The following STAG3 variants were observed in gnomAD, a reference collection of about 807,000 sequenced individuals.
The protein encoded by STAG3 is STAG3 cohesin complex component, also known as cohesin subunit SA-3.
A neutral mutation model predicts 160.7 loss-of-function variants in STAG3; 101 were observed. The observed-to-expected ratio is 0.63, with a 90% CI of 0.54 to 0.74. STAG3 has a LOEUF of 0.74. STAG3 is among the 30% of genes least tolerant of loss of function. STAG3 has a pLI of 0.00. For synonymous variants in STAG3, 519 were observed against 585.0 expected, an observed-to-expected ratio of 0.89 and a Z score of 1.63; for missense variants, 1,188 against 1,517.4, an observed-to-expected ratio of 0.78 and a Z score of 3.61.
Position 100,211,173 on chromosome 7 carries a change from A to G in STAG3, c.3401A>G (p.Asp1134Gly), listed in dbSNP as rs1194261409. 2.6e-6 allele frequency: 4 copies of G among 1,537,384 alleles called. No homozygotes were observed. The East Asian group carries it at 7.3e-5, about 28-fold the overall frequency. The change falls in exon 30 of 34, where the codon GAT becomes GGT. Residue 1134 changes from aspartate to glycine, a missense_variant. Physicochemically the swap from Asp to Gly is moderately conservative, Grantham distance 94. Coordinates refer to ENST00000615138, the MANE Select transcript of STAG3 (RefSeq NM_001282717.2). ...GAGGAAGAAGATGGCTCAGAGTTGG[A>G]TTTTGCCCAGGGGTGAGGCCATGGA... ...EMEEEDGSEL[D>G]FAQGSQPVAG...
rs772651360 is a variant in STAG3 at position 100,213,344 on chromosome 7, GTTCTC to G, written c.3601-384_3601-380del. 116 of 985,386 alleles carry G rather than the reference GTTCTC, an allele frequency of 1.2e-4. 1 individual carries two copies. The Admixed American group carries it at 6.6e-3, about 56-fold the overall frequency. 61.0% of individuals were successfully genotyped at this position (985,386 alleles called of 1,614,324 possible). On this transcript the variant is annotated intron_variant, in intron 32 of 33. Transcript: ENST00000615138. Reference sequence around the variant, plus strand: ...GCGTATCTTCTGCTGTTATTCTTCTGTTCTCTTCTCTGCAGGGAAGGAAAAAGAAC... The same window carrying G: ...GCGTATCTTCTGCTGTTATTCTTCTGTTCTCTGCAGGGAAGGAAAAAGAAC...
intron 30 of STAG3, 76 bp from the exon 31 acceptor site, chr7:100,211,359 C>T: frequency 5.9e-6 from 9 of 1,533,318 alleles, no homozygotes; most frequent in Non-Finnish European, 8.1e-6. Flanking sequence ...GCTTTTCTCC[C>T]CATTAACACC....
chr7:100,204,164 C>T (rs758949335), intron 26 of STAG3, 42 bp downstream of exon 26: 4 of 1,512,560 alleles, frequency 2.6e-6, no homozygotes, highest in Non-Finnish European at 2.8e-6. Flanking sequence ...CCTGTTGTCC[C>T]CAAGTCTCTG....
At chr7:100,202,898 A>G (rs1413126998) in intron 25 of STAG3, among the ~76,000 whole-genome samples, 2 of 152,222 alleles carry the variant, frequency 1.3e-5, no homozygotes, top group Non-Finnish European at 2.9e-5. Flanking sequence ...GGAAAAAAGA[A>G]TAAAAGAGGG....
At chr7:100,198,684 T>C (rs1299485773) in intron 13 of STAG3, 102 bp downstream of exon 13, 1 of 1,284,586 alleles carries the variant, frequency 7.8e-7, no homozygotes, top group Non-Finnish European at 1.1e-6. Context: ...TGTGAAAGTC[T>C]CCCTGGTGTC....
intron 30 of STAG3, 91 bp from the exon 31 acceptor site, chr7:100,211,344 T>C (rs1802184720): frequency 6.6e-7 from 1 of 1,508,882 alleles, no homozygotes; most frequent in Admixed American, 1.8e-5. Flanking sequence ...AATGCATCTC[T>C]CTGAGCTTTT....
intron 29 of STAG3, 93 bp from the exon 30 acceptor site, chr7:100,210,918 A>C: frequency 9.6e-6 from 13 of 1,353,664 alleles, no homozygotes; most frequent in Non-Finnish European, 1.2e-5. Flanking sequence ...TTCCTGATTG[A>C]CTTTCCCTTA....
rs373486884 is a variant in STAG3 at position 100,200,938 on chromosome 7, G to A, written c.2030G>A (p.Arg677His). 57 of 1,614,090 alleles carry A rather than the reference G, an allele frequency of 3.5e-5. No homozygotes were observed. Among genetic ancestry groups the A allele is most frequent in the Non-Finnish European group, 4.6e-5 (54 of 1,180,046 alleles). ...RSQLVDLLTD[R>H]FQQELEELLQ... is the part of the protein sequence containing the mutation. ...CAGCTAGTAGATTTGCTGACTGACC[G>A]CTTCCAGCAGGAGCTTGAAGAGCTG... Residue 677 changes from arginine to histidine, a missense_variant, in exon 19 of 34, where the codon CGC becomes CAC. By Grantham distance (29) the Arg-to-His change is conservative. Coordinates refer to ENST00000615138, the MANE Select transcript of STAG3 (RefSeq NM_001282717.2).
chr7:100,188,692 T>C, intron 6 of STAG3, 120 bp from the exon 7 acceptor site: 1 of 1,174,942 alleles, frequency 8.5e-7, no homozygotes, highest in Non-Finnish European at 1.3e-6. Context: ...TTGGGGAGAA[T>C]ACCAGGAAAT....
intron 5 of STAG3, among the ~76,000 whole-genome samples, chr7:100,187,413 A>G (rs534863021): frequency 4.0e-5 from 6 of 149,406 alleles, no homozygotes; most frequent in African/African-American, 1.5e-4. Flanking sequence ...TTTGAAACAA[A>G]TCCTGCCTCA....
chr7:100,182,356 C>T (rs1027111692), intron 3 of STAG3, among the ~76,000 whole-genome samples, 164 bp downstream of exon 3: 1 of 146,430 alleles, frequency 6.8e-6, no homozygotes, highest in Non-Finnish European at 1.5e-5. Flanking sequence ...GAGACTCCGT[C>T]TCAAAAAAAA....
chr7:100,189,057 T>C (rs374807631), intron 7 of STAG3, 41 bp downstream of exon 7: 11 of 1,605,174 alleles, frequency 6.9e-6, no homozygotes, highest in Admixed American at 1.7e-5. Context: ...CCTGGGGATT[T>C]ATAGGACTTT....
chr7:100,193,481 G>A (rs1462840442), intron 8 of STAG3, among the ~76,000 whole-genome samples: 1 of 152,176 alleles, frequency 6.6e-6, no homozygotes, highest in African/African-American at 2.4e-5. Context: ...AAAATTCATT[G>A]TTTAGTGTAG....
chr7:100,200,211 C>A (rs778262233), intron 16 of STAG3, 25 bp from the exon 17 acceptor site: 1 of 1,589,854 alleles, frequency 6.3e-7, no homozygotes, highest in Non-Finnish European at 8.6e-7. Context: ...ACACCTCCCC[C>A]ACCCCCAAGT....
At chr7:100,179,371 C>T (rs376311526) in intron 1 of STAG3, among the ~76,000 whole-genome samples, 6 of 149,990 alleles carry the variant, frequency 4.0e-5, no homozygotes, top group East Asian at 4.0e-4. Context: ...CACAGGTGTG[C>T]GCAACAACAC....
At chr7:100,189,336 C>G in intron 7 of STAG3, 109 bp from the exon 8 acceptor site, 6 of 1,267,902 alleles carry the variant, frequency 4.7e-6, no homozygotes, top group Non-Finnish European at 6.6e-6. Flanking sequence ...TCATCCTGCT[C>G]TGACGTCTCA....
In STAG3 at chr7:100,194,202, C is replaced by G. The variant is rs567480761; in HGVS notation, c.868-1107C>G. ...CAAGTGATTTGCCCACCTTGGCCAC[C>G]CAAAGTGCTGGGATTATAGGTGTGA... On this transcript the variant is annotated intron_variant, in intron 8 of 33. Transcript: ENST00000615138. Among the ~76,000 whole-genome samples the G allele has an allele frequency of 6.6e-4, 100 of 152,240 alleles. 3 individuals carry two copies. The highest frequency in any genetic ancestry group is 2.2e-3 in the Admixed American group (34 of 15,288).
intron 4 of STAG3, among the ~76,000 whole-genome samples, 154 bp downstream of exon 4, chr7:100,182,993 G>A (rs1306837272): frequency 6.6e-6 from 1 of 152,106 alleles, no homozygotes; most frequent in East Asian, 1.9e-4. Flanking sequence ...GTGATAGAAG[G>A]GTAACCTTGA....
At chr7:100,200,146 C>A in intron 16 of STAG3, 90 bp from the exon 17 acceptor site, 1 of 873,644 alleles carries the variant, frequency 1.1e-6, no homozygotes, top group African/African-American at 1.7e-5. Context: ...TCCTTCTAGG[C>A]AGATAAGGTC....
Sources: allele counts gnomAD v4.1 joint callset (sites outside exome capture counted in the v4.1 genomes callset), GRCh38; gene constraint gnomAD v4.1.1; transcripts MANE v1.5; gene names NCBI Gene and HGNC (gene_info 2026-07-23, HGNC 2026-07-21).